LSAMP: variants seen among roughly 807,000 people sequenced by gnomAD.
LSAMP encodes the protein limbic system associated membrane protein, also known as limbic system-associated membrane protein.
In LSAMP, 7 loss-of-function variants were observed where a neutral mutation model predicts 38.6. The observed-to-expected ratio is 0.18, with a 90% CI of 0.10 to 0.34. The LOEUF is 0.34. LSAMP is among the 10% of genes least tolerant of loss of function. The pLI, the probability that LSAMP is intolerant of heterozygous loss-of-function variation, is 1.00. For synonymous variants in LSAMP, 154 were observed against 166.8 expected (o/e 0.92, Z 0.59); for missense variants, 313 against 420.0 (o/e 0.75, Z 2.23).
At chr3:116,435,888 G>A (rs955824766) in intron 1 of LSAMP, among the ~76,000 whole-genome samples, 9 of 152,256 alleles carry the variant, frequency 5.9e-5, no homozygotes, top group African/African-American at 1.9e-4. Context: ...ACAATAAGAA[G>A]GCAGCAGGTT....
intron 1 of LSAMP, among the ~76,000 whole-genome samples, chr3:116,151,309 G>A (rs764412230): frequency 5.3e-5 from 8 of 151,982 alleles, no homozygotes; most frequent in Admixed American, 2.6e-4. Context: ...GTCATGGAAA[G>A]GACATAGTAA....
rs1440216884 is a variant in LSAMP, at chr3:116,247,961, A to G, written c.156-161405T>C. On this transcript the variant is annotated intron_variant, in intron 1 of 6. Transcript: ENST00000490035. ...TGTCAGGTTTAAGTCCACACAGTAC[A>G]GCATTGAAATCATGGGAGAAAAACA... 2.0e-5 allele frequency among the ~76,000 whole-genome samples: 3 copies of G among 152,216 alleles called. No individual in the cohort carries two copies. The East Asian group carries it at 5.8e-4, about 29-fold the overall frequency.
At chr3:116,391,398 A>C (rs1282459642) in intron 1 of LSAMP, among the ~76,000 whole-genome samples, 2 of 152,154 alleles carry the variant, frequency 1.3e-5, no homozygotes, top group Non-Finnish European at 2.9e-5. Context: ...GCTGCTCCAG[A>C]CCCTGGCCCT....
Position 116,205,977 on chromosome 3 carries a change from G to A in LSAMP, c.156-119421C>T, listed in dbSNP as rs1193563168. Among the ~76,000 whole-genome samples the A allele has an allele frequency of 1.3e-3, 195 of 151,358 alleles. 1 individual carries two copies. The highest frequency in any genetic ancestry group is 4.6e-3 in the African/African-American group (190 of 41,088). The stretch of plus-strand genomic sequence containing the variant: ...TGATTGGAATAGTTTCAGAAGGAAT[G>A]GTACCAGTTCCTCCTTGTACCTCTG... On this transcript the variant is annotated intron_variant, in intron 1 of 6. Coordinates refer to ENST00000490035, the MANE Select transcript of LSAMP (RefSeq NM_002338.5).
chr3:116,397,393 C>CA (rs2048782616), intron 1 of LSAMP, among the ~76,000 whole-genome samples: 1 of 145,788 alleles, frequency 6.9e-6, no homozygotes, highest in African/African-American at 2.5e-5. Context: ...CCCGCCCCCC[C>CA]CCCACACACA....
intron 1 of LSAMP, among the ~76,000 whole-genome samples, chr3:116,231,576 C>A (rs746324136): frequency 2.0e-5 from 3 of 152,114 alleles, no homozygotes; most frequent in Non-Finnish European, 2.9e-5. Flanking sequence ...AAAACGTAAC[C>A]CTTGTCTTCA....
In LSAMP at chr3:116,445,245, G is replaced by A; in HGVS notation, c.-214C>T. 1.7e-6 allele frequency: 1 copy of A among 592,674 alleles called. No individual in the cohort carries two copies. Among genetic ancestry groups the A allele is most frequent in the South Asian group, 2.0e-5 (1 of 48,800 alleles). The allele number at this position is 592,674 out of a possible 1,614,324, so 36.7% of individuals were successfully genotyped here. A position where few individuals can be genotyped will look rare whatever the true frequency, so the allele number is the denominator to read the frequency against. ...AAGCCCTCATAAAACCCAAGCAGAAGGGTGAAAAGTAAAAGCAACACAATT... is the reference window on the plus strand; with the variant it reads ...AAGCCCTCATAAAACCCAAGCAGAAAGGTGAAAAGTAAAAGCAACACAATT... On this transcript the variant is annotated 5_prime_UTR_variant, in exon 1 of 7. Coordinates refer to ENST00000490035, the MANE Select transcript of LSAMP (RefSeq NM_002338.5).
intron 1 of LSAMP, among the ~76,000 whole-genome samples, chr3:116,224,462 A>G (rs552082003): frequency 6.6e-5 from 10 of 152,350 alleles, no homozygotes; most frequent in African/African-American, 2.4e-4. Flanking sequence ...GCAGATTGCA[A>G]TGGAATCTGA....
intron 3 of LSAMP, among the ~76,000 whole-genome samples, chr3:115,965,846 A>G (rs1938791380): frequency 6.6e-6 from 1 of 152,190 alleles, no homozygotes; most frequent in South Asian, 2.1e-4. Context: ...AACCTTTAAA[A>G]GGCTGATAGT....
intron 3 of LSAMP, among the ~76,000 whole-genome samples, chr3:115,860,547 C>A (rs1204445810): frequency 6.6e-6 from 1 of 152,162 alleles, no homozygotes; most frequent in Non-Finnish European, 1.5e-5. Flanking sequence ...CAGGCTTCAT[C>A]TTTTATGAGG....
At chr3:116,095,140 C>T (rs749228852) in intron 1 of LSAMP, among the ~76,000 whole-genome samples, 1 of 152,146 alleles carries the variant, frequency 6.6e-6, no homozygotes, top group Admixed American at 6.5e-5. Context: ...TCAGATCAAT[C>T]ATGTATTTCT....
intron 1 of LSAMP, among the ~76,000 whole-genome samples, chr3:116,279,844 G>T (rs905282392): frequency 6.6e-6 from 1 of 152,120 alleles, no homozygotes; most frequent in African/African-American, 2.4e-5. Context: ...ATTTTCATAT[G>T]TCATATGATA....
chr3:116,065,350 G>A (rs999158662), intron 2 of LSAMP, among the ~76,000 whole-genome samples: 5 of 152,128 alleles, frequency 3.3e-5, no homozygotes. Flanking sequence ...ATGCCTCAAA[G>A]ACAATGTCTA....
In LSAMP at chr3:116,211,486, T is replaced by A. The variant is rs1179156153; in HGVS notation, c.156-124930A>T. ...ACAATTGTTATTTAATTTTAAAAAATTGATAAATAATAAAGCAATAACCAA... is the reference window on the plus strand; with the variant it reads ...ACAATTGTTATTTAATTTTAAAAAAATGATAAATAATAAAGCAATAACCAA... On this transcript the variant is annotated intron_variant, in intron 1 of 6. Coordinates refer to ENST00000490035, the MANE Select transcript of LSAMP (RefSeq NM_002338.5). Among the ~76,000 whole-genome samples the A allele has an allele frequency of 3.5e-4, 54 of 152,170 alleles. 1 individual carries two copies. The highest frequency in any genetic ancestry group is 3.5e-3 in the Admixed American group (54 of 15,272).
chr3:115,872,763 G>GA (rs551465586), intron 3 of LSAMP, among the ~76,000 whole-genome samples: 159 of 152,250 alleles, frequency 1.0e-3, no homozygotes, highest in Non-Finnish European at 1.8e-3. Context: ...CTGAACAAAT[G>GA]AGGTAGCTGA....
At chr3:116,419,508 C>G (rs903828679) in intron 1 of LSAMP, among the ~76,000 whole-genome samples, 1 of 152,194 alleles carries the variant, frequency 6.6e-6, no homozygotes, top group South Asian at 2.1e-4. Context: ...GAGGTCTAGA[C>G]AGTGAGGAGC....
At chr3:116,289,968 G>T (rs973750576) in intron 1 of LSAMP, among the ~76,000 whole-genome samples, 5 of 152,022 alleles carry the variant, frequency 3.3e-5, no homozygotes, top group Admixed American at 2.6e-4. Context: ...TTTTCTCTTT[G>T]GATTTCCTCT....
chr3:116,192,779 T>C (rs1710783451), intron 1 of LSAMP, among the ~76,000 whole-genome samples: 1 of 152,188 alleles, frequency 6.6e-6, no homozygotes, highest in Admixed American at 6.5e-5. Flanking sequence ...GTTTTTCTTT[T>C]GAAGCAATTA....
chr3:116,157,512 A>G (rs1709781372), intron 1 of LSAMP, among the ~76,000 whole-genome samples: 1 of 152,178 alleles, frequency 6.6e-6, no homozygotes, highest in Non-Finnish European at 1.5e-5. Context: ...GAATTACATT[A>G]TGACTCCAAA....
Sources: gnomAD v4.1 joint callset for allele counts (sites outside exome capture counted in the v4.1 genomes callset) on GRCh38, gnomAD v4.1.1 for gene constraint, MANE v1.5 for transcripts, NCBI Gene and HGNC (gene_info 2026-07-23, HGNC 2026-07-21) for gene names.